Variants in MED1 observed in about 807,000 individuals in gnomAD.
MED1 encodes the protein mediator complex subunit 1.
A neutral mutation model predicts 121.3 loss-of-function variants in MED1; 17 were observed. The ratio of observed to expected loss-of-function variants is 0.14; its 90% confidence interval spans 0.10 to 0.21. MED1 has a LOEUF of 0.21. Among genes scored for constraint, MED1 ranks in the 10% least tolerant of loss-of-function variants. MED1 has a pLI of 1.00. For synonymous variants in MED1, 661 were observed against 694.4 expected (o/e 0.95, Z 0.76); for missense variants, 1,558 against 1,919.4 (o/e 0.81, Z 3.52).
chr17:39,442,410 A>T (rs1480062922), intron 3 of MED1, among the ~76,000 whole-genome samples: 2 of 151,678 alleles, frequency 1.3e-5, no homozygotes, highest in Non-Finnish European at 2.9e-5. Context: ...ATCCTGGCTA[A>T]CACGGTGAAA....
intron 10 of MED1, among the ~76,000 whole-genome samples, chr17:39,426,824 G>A (rs769219056): frequency 1.3e-5 from 2 of 152,018 alleles, no homozygotes; most frequent in Admixed American, 1.3e-4. Flanking sequence ...ATGAGCCACC[G>A]CGCCCGGCAG....
intron 6 of MED1, among the ~76,000 whole-genome samples, chr17:39,436,379 A>C (rs1471733966): frequency 2.0e-5 from 3 of 151,756 alleles, no homozygotes; most frequent in Admixed American, 2.0e-4. Context: ...GAAAAAAAAA[A>C]AAAAAAAAGC....
At position 39,408,859 on chromosome 17, in the gene MED1, C is replaced by A; in HGVS notation, c.3362G>T (p.Gly1121Val). ...SGKMKSSKSE[G>V]SSSSKLSSSM... ...GCTACTTAACTTGGAACTTGATGAA[C>A]CTTCTGATTTACTGCTTTTCATCTT... The change falls in exon 17 of 17, where the codon GGT becomes GTT. Residue 1121 changes from glycine (G) to valine (V), a missense_variant. Gly to Val is a moderately radical substitution (Grantham distance 109). Coordinates refer to ENST00000300651, the MANE Select transcript of MED1 (RefSeq NM_004774.4). This position sits in a 1 kb window ranked among gnomAD's most constrained non-coding sequence, Gnocchi z 4.7. 2 of 1,614,062 alleles carry A rather than the reference C, an allele frequency of 1.2e-6. No individual in the cohort carries two copies. The highest frequency in any genetic ancestry group is 8.5e-7 in the Non-Finnish European group (1 of 1,180,022).
intron 10 of MED1, among the ~76,000 whole-genome samples, chr17:39,427,093 C>G (rs915367005): frequency 3.3e-5 from 5 of 152,098 alleles, no homozygotes; most frequent in Non-Finnish European, 7.4e-5. Flanking sequence ...TCCTTCTACA[C>G]TTTTTAAACA....
At chr17:39,428,274 G>C (rs1209770185) in intron 9 of MED1, among the ~76,000 whole-genome samples, 1 of 152,092 alleles carries the variant, frequency 6.6e-6, no homozygotes, top group East Asian at 1.9e-4. Flanking sequence ...CACAAGGTCA[G>C]GATATTGAGA....
At chr17:39,427,871 C>T in intron 9 of MED1, 81 bp from the exon 10 acceptor site, 1 of 874,070 alleles carries the variant, frequency 1.1e-6, no homozygotes, top group East Asian at 2.7e-5. Context: ...ATTATATAAA[C>T]CGATATTCAA....
In MED1 at chr17:39,451,047, C is replaced by G; in HGVS notation, c.16G>C (p.Glu6Gln). The G allele has an allele frequency of 6.2e-7, 1 of 1,611,744 alleles. No homozygotes were observed. The highest frequency in any genetic ancestry group is 1.3e-5 in the African/African-American group (1 of 74,922). Residue 6 changes from glutamate to glutamine, a missense_variant, in exon 1 of 17, where the codon GAA (glutamate) becomes CAA (glutamine). Glu to Gln is a conservative substitution (Grantham distance 29, BLOSUM62 2). Around this residue, in one of 5 missense-constraint regions of MED1, gnomAD observed 443 missense variants for 532.4 expected, o/e 0.83. Transcript: ENST00000300651. Reference protein sequence around the residue: MKAQGETEESEKLSKM... With the variant: MKAQGQTEESEKLSKM... The stretch of plus-strand genomic sequence containing the variant: ...CCCTACAGTCACTTACCCTCGGTTT[C>G]CCCCTGAGCTTTCATCCTGAAGGCG...
chr17:39,449,647 G>C (rs867132358), intron 1 of MED1, among the ~76,000 whole-genome samples: 12 of 150,790 alleles, frequency 8.0e-5, no homozygotes, highest in Middle Eastern at 3.4e-3. Context: ...CAAGTAGCTG[G>C]GATTGCAGGC....
At chr17:39,447,387 G>A (rs4794809) in intron 2 of MED1, among the ~76,000 whole-genome samples, 94,001 of 148,354 alleles carry the variant, frequency 0.63, 32,227 homozygotes, top group South Asian at 0.89. Context: ...GTGAAACTCC[G>A]TCTCAATAAA....
At chr17:39,426,115 A>G (rs111875936) in intron 10 of MED1, among the ~76,000 whole-genome samples, 7,825 of 152,072 alleles carry the variant, frequency 0.051, 661 homozygotes, top group African/African-American at 0.18. Context: ...CCTGGGCAAC[A>G]CAGTGAGACC....
Position 39,407,127 on chromosome 17 carries a change from G to A in MED1, c.*348C>T. The A allele has an allele frequency of 3.0e-6, 3 of 1,008,868 alleles. No homozygotes were observed. Among genetic ancestry groups the A allele is most frequent in the Non-Finnish European group, 3.5e-6 (3 of 845,298 alleles). The allele number at this position is 1,008,868 out of a possible 1,614,324, so 62.5% of individuals were successfully genotyped here. A position where few individuals can be genotyped will look rare whatever the true frequency, so the allele number is the denominator to read the frequency against. ...TGAGTTTAAAACATGGCCTAAAAAT[G>A]GAAAAAGGGAGAAGAAAATATATAT... On this transcript the variant is annotated 3_prime_UTR_variant, in exon 17 of 17. Coordinates refer to ENST00000300651, the MANE Select transcript of MED1 (RefSeq NM_004774.4).
chr17:39,407,489 G>A lies in MED1; in HGVS notation c.4732C>T (p.Leu1578=). 1 of 1,603,506 alleles carries A rather than the reference G, an allele frequency of 6.2e-7. No individual in the cohort carries two copies. The highest frequency in any genetic ancestry group is 8.5e-7 in the Non-Finnish European group (1 of 1,174,552). ...EEDDDLMDVA[L]IGN Reference sequence around the variant, plus strand: ...AAATAAGGTTCCTAATTCCCAATCAGGGCCACATCCATAAGATCATCATCT... The same window carrying A: ...AAATAAGGTTCCTAATTCCCAATCAAGGCCACATCCATAAGATCATCATCT... Residue 1578 remains leucine (L), a synonymous_variant, in exon 17 of 17, where the codon CTG becomes TTG. Transcript: ENST00000300651.
intron 16 of MED1, among the ~76,000 whole-genome samples, chr17:39,413,061 C>A (rs1017030940): frequency 6.6e-6 from 1 of 152,054 alleles, no homozygotes; most frequent in Non-Finnish European, 1.5e-5. Context: ...TTAACTATCA[C>A]GTAACAATTA....
rs766146494 is a variant in MED1, at chr17:39,405,257, G to A, written c.*2218C>T. ...GGGTCAGTGTGGGGGTGAGCCCATC[G>A]ACAATTCAGGGGCTTATCCTTCATC... On this transcript the variant is annotated 3_prime_UTR_variant, in exon 17 of 17. Transcript: ENST00000300651. The A allele has an allele frequency of 8.0e-5, 128 of 1,601,098 alleles. No homozygotes were observed. Among genetic ancestry groups the A allele is most frequent in the African/African-American group, 1.3e-4 (10 of 74,756 alleles).
chr17:39,437,719 G>A (rs1489164324), intron 6 of MED1, among the ~76,000 whole-genome samples: 1 of 152,006 alleles, frequency 6.6e-6, no homozygotes, highest in East Asian at 1.9e-4. Flanking sequence ...AGGATCACCT[G>A]AGGTCAGGAG....
chr17:39,408,987 G>C lies in MED1; in HGVS notation c.3234C>G (p.Ser1078=). Residue 1078 remains serine, a synonymous_variant, in exon 17 of 17, where the codon TCC becomes TCG. Coordinates refer to ENST00000300651, the MANE Select transcript of MED1 (RefSeq NM_004774.4). The surrounding 1 kb of genome is among the most constrained non-coding windows in gnomAD (Gnocchi z 4.7). ...PKGTVMVGKP[S]SHSQYTSSGS... ...CACTGCTGGTATACTGACTGTGAGAGGAAGGCTTGCCCACCATCACTGTTC... is the reference window on the plus strand; with the variant it reads ...CACTGCTGGTATACTGACTGTGAGACGAAGGCTTGCCCACCATCACTGTTC... 6.2e-7 allele frequency: 1 copy of C among 1,614,188 alleles called. No individual in the cohort carries two copies.
intron 14 of MED1, among the ~76,000 whole-genome samples, chr17:39,416,903 A>T (rs2048414472): frequency 6.6e-6 from 1 of 152,206 alleles, no homozygotes; most frequent in Admixed American, 6.6e-5. Context: ...CTAGATGTAG[A>T]GGTGCATGCC....
chr17:39,421,402 T>C (rs1049067468), intron 13 of MED1, among the ~76,000 whole-genome samples: 1 of 150,610 alleles, frequency 6.6e-6, no homozygotes, highest in Non-Finnish European at 1.5e-5. Context: ...ATACAAAAAT[T>C]ATCTGGGCAT....
chr17:39,436,630 G>GT (rs2048621570), intron 6 of MED1, among the ~76,000 whole-genome samples: 1 of 152,098 alleles, frequency 6.6e-6, no homozygotes, highest in Non-Finnish European at 1.5e-5. Flanking sequence ...CACTTTTACT[G>GT]TAACACACAT....
Sources: allele counts gnomAD v4.1 joint callset (sites outside exome capture counted in the v4.1 genomes callset), GRCh38; gene constraint gnomAD v4.1.1; regional missense constraint gnomAD v4.1.1; non-coding constraint Gnocchi (gnomAD v3.1); transcripts MANE v1.5; gene names NCBI Gene and HGNC (gene_info 2026-07-23, HGNC 2026-07-21).